MVK: variants seen among roughly 807,000 people sequenced by gnomAD.
MVK encodes the protein mevalonate kinase.
MVK carries 34 observed loss-of-function variants against 43.2 expected under a neutral mutation model. That is an observed-to-expected ratio of 0.79 (90% confidence interval 0.60 to 1.05). MVK has a LOEUF of 1.05. Among genes scored for constraint, MVK ranks in the 50% least tolerant of loss-of-function variants. The pLI is 0.00. For missense variants in MVK, 395 were observed against 504.0 expected (o/e 0.78, Z 2.07); for synonymous variants, 190 against 219.8 (o/e 0.86, Z 1.20).
At position 109,574,855 on chromosome 12, in the gene MVK, G is replaced by A. The variant is rs779289416; in HGVS notation, c.33G>A (p.Pro11=). 2.9e-5 allele frequency: 46 copies of A among 1,609,674 alleles called. No homozygotes were observed. In the East Asian group the frequency reaches 8.9e-4, roughly 31 times the overall value. Residue 11 remains proline, a synonymous_variant, in exon 2 of 11, where the codon CCG becomes CCA. Transcript: ENST00000228510. MLSEVLLVSA[P]GKVILHGEHA... ...CAGAAGTCCTACTGGTGTCTGCTCC[G>A]GGGAAAGTCATCCTTCATGGAGAAC...
chr12:109,594,876 T>C, intron 9 of MVK, 152 bp from the exon 10 acceptor site: 2 of 855,686 alleles, frequency 2.3e-6, no homozygotes, highest in Non-Finnish European at 3.8e-6. Context: ...AAGGATTCTT[T>C]TACAAGTGGA....
In MVK at chr12:109,596,306, C is replaced by G. The variant is rs1885908790; in HGVS notation, c.1040-120C>G. 5 of 1,428,722 alleles carry G rather than the reference C, an allele frequency of 3.5e-6. No homozygotes were observed. The East Asian group carries it at 1.2e-4, about 35-fold the overall frequency. The allele number at this position is 1,428,722 out of a possible 1,614,324, so 88.5% of individuals were successfully genotyped here. On this transcript the variant is annotated intron_variant, in intron 10 of 10. Transcript: ENST00000228510. ...AACCTTGGGCTTTATGGCCTGTTGG[C>G]TCAGGTGGGTCACAGCCAGGAAGGC...
chr12:109,592,430 G>C (rs1885728047), intron 9 of MVK, among the ~76,000 whole-genome samples: 1 of 152,188 alleles, frequency 6.6e-6, no homozygotes, highest in Non-Finnish European at 1.5e-5. Flanking sequence ...GTCAGTGAAG[G>C]GACAGGAGAG....
chr12:109,591,230 T>C lies in MVK; in HGVS notation c.769-11T>C, dbSNP rs1490294913. On this transcript the variant is annotated splice_polypyrimidine_tract_variant and intron_variant, in intron 8 of 10. Transcript: ENST00000228510. ...CAGGCCTCACCAGCCGTTCCTTCTT[T>C]TTTTCTCCAGTTCCCAGAGATCGTG... The C allele has an allele frequency of 6.2e-7, 1 of 1,613,780 alleles. No individual in the cohort carries two copies. The highest frequency in any genetic ancestry group is 1.7e-5 in the Admixed American group (1 of 60,020).
At position 109,595,475 on chromosome 12, in the gene MVK, G is replaced by C. The variant is rs1885881226; in HGVS notation, c.1039+294G>C. On this transcript the variant is annotated intron_variant, in intron 10 of 10. Transcript: ENST00000228510. The surrounding 1 kb of genome is among the most constrained non-coding windows in gnomAD (Gnocchi z 5.9). Reference sequence around the variant, plus strand: ...TCATCGGGGCTGTCCGCACAAGCTTGGGAAGTAACCAGGGCATTGTCACTC... The same window carrying C: ...TCATCGGGGCTGTCCGCACAAGCTTCGGAAGTAACCAGGGCATTGTCACTC... 1.3e-5 allele frequency among the ~76,000 whole-genome samples: 2 copies of C among 152,146 alleles called. No individual in the cohort carries two copies. The highest frequency in any genetic ancestry group is 6.5e-5 in the Admixed American group (1 of 15,278).
chr12:109,585,233 G>A (rs1885385230), intron 5 of MVK, among the ~76,000 whole-genome samples: 1 of 152,206 alleles, frequency 6.6e-6, no homozygotes, highest in Admixed American at 6.5e-5. Context: ...TAATGATCGT[G>A]CTTTGGATCT....
chr12:109,590,435 G>A (rs531087837), intron 7 of MVK: 9 of 389,662 alleles, frequency 2.3e-5, no homozygotes, highest in Admixed American at 3.6e-5. Context: ...CAGTGTCCAC[G>A]TCATGCCAGA....
At chr12:109,588,028 T>A (rs548791573) in intron 7 of MVK, 1 of 152,226 alleles carries the variant, frequency 6.6e-6, no homozygotes, top group African/African-American at 2.4e-5. Flanking sequence ...CAGAAGCCAG[T>A]AGGAGCGTGG....
rs1440506951 is a variant in MVK, at chr12:109,579,810, G to T, written c.235G>T (p.Asp79Tyr). The T allele has an allele frequency of 3.7e-6, 6 of 1,614,132 alleles. No homozygotes were observed. The East Asian group carries it at 8.9e-5, about 24-fold the overall frequency. The change falls in exon 4 of 11, where the codon GAT becomes TAT. Residue 79 changes from aspartate (D) to tyrosine (Y), a missense_variant. Coordinates refer to ENST00000228510, the MANE Select transcript of MVK (RefSeq NM_000431.4). ...GTTTGCCTGTGGAACAGAGCAAGGT[G>T]ATGTCACAACACCCACCTCAGAGCA... ...SLDTSFLEQG[D>Y]VTTPTSEQVE...
chr12:109,586,231 G>A (rs1318556638), intron 6 of MVK, 106 bp downstream of exon 6: 2 of 945,892 alleles, frequency 2.1e-6, no homozygotes, highest in Non-Finnish European at 3.3e-6. Flanking sequence ...CGAATCAATG[G>A]ATTCTGGAAA....
In MVK at chr12:109,581,434, G is replaced by GC. The variant is rs104895373; in HGVS notation, c.417dup (p.Gly140ArgfsTer47). 8 of 1,613,992 alleles carry GC rather than the reference G, an allele frequency of 5.0e-6. No individual in the cohort carries two copies. Among genetic ancestry groups the GC allele is most frequent in the South Asian group, 1.1e-5 (1 of 91,086 alleles). On this transcript the variant is annotated frameshift_variant, in exon 5 of 11. Coordinates refer to ENST00000228510, the MANE Select transcript of MVK (RefSeq NM_000431.4). LOFTEE classifies it high-confidence loss of function. ...TGGATATCGTAGTGTGGTCGGAGCT[G>GC]CCCCCCGGGGCGGGCTTGGGCTCCA...
At position 109,595,016 on chromosome 12, in the gene MVK, C is replaced by T. The variant is rs1467234795; in HGVS notation, c.886-12C>T. The stretch of plus-strand genomic sequence containing the variant: ...CAGGCCAAGTGGGAACAGATGGAAC[C>T]TTCTCCCCTAGGAGCTCATTGACAT... On this transcript the variant is annotated splice_polypyrimidine_tract_variant and intron_variant, in intron 9 of 10. Coordinates refer to ENST00000228510, the MANE Select transcript of MVK (RefSeq NM_000431.4). This position sits in a 1 kb window ranked among gnomAD's most constrained non-coding sequence, Gnocchi z 5.9. The T allele has an allele frequency of 1.9e-6, 3 of 1,614,150 alleles. No individual in the cohort carries two copies. The East Asian group carries it at 6.7e-5, about 36-fold the overall frequency.
Position 109,574,893 on chromosome 12 carries a change from A to T in MVK, c.71A>T (p.His24Leu). The T allele has an allele frequency of 6.2e-7, 1 of 1,608,698 alleles. No homozygotes were observed. Among genetic ancestry groups the T allele is most frequent in the South Asian group, 1.1e-5 (1 of 89,672 alleles). The change falls in exon 2 of 11, where the codon CAT becomes CTT. Residue 24 changes from histidine (H) to leucine (L), a missense_variant. Physicochemically the swap from His to Leu is moderately conservative, Grantham distance 99. Coordinates refer to ENST00000228510, the MANE Select transcript of MVK (RefSeq NM_000431.4). ...VILHGEHAVV[H>L]GKVALAVSLN... ...CTTCATGGAGAACATGCCGTGGTAC[A>T]TGGCAAGGTACAAAGCCGTTAGAGC...
At position 109,591,253 on chromosome 12, in the gene MVK, G is replaced by C. The variant is rs373753405; in HGVS notation, c.781G>C (p.Val261Leu). 1 of 1,614,128 alleles carries C rather than the reference G, an allele frequency of 6.2e-7. No individual in the cohort carries two copies. Among genetic ancestry groups the C allele is most frequent in the Non-Finnish European group, 8.5e-7 (1 of 1,180,024 alleles). Residue 261 changes from valine to leucine, a missense_variant, in exon 9 of 11, where the codon GTG becomes CTG. Coordinates refer to ENST00000228510, the MANE Select transcript of MVK (RefSeq NM_000431.4). ...TTTTTTTCTCCAGTTCCCAGAGATCGTGGCCCCCCTCCTGACCTCAATAGA... is the reference window on the plus strand; with the variant it reads ...TTTTTTTCTCCAGTTCCCAGAGATCCTGGCCCCCCTCCTGACCTCAATAGA... ...RNRLLKFPEI[V>L]APLLTSIDAI...
At chr12:109,573,529 C>T (rs748326668), upstream of MVK, 2 of 1,563,182 alleles carry the variant, frequency 1.3e-6, no homozygotes, top group African/African-American at 1.3e-5. Flanking sequence ...CCCGTCCAGT[C>T]CGCGGGGTGA....
chr12:109,591,665 G>A (rs191057579), intron 9 of MVK, among the ~76,000 whole-genome samples: 1 of 152,360 alleles, frequency 6.6e-6, no homozygotes, highest in East Asian at 1.9e-4. Flanking sequence ...CACGTAGGTA[G>A]ATGGGGATGT....
chr12:109,575,191 G>T lies in MVK; in HGVS notation c.78+291G>T, dbSNP rs1235198134. 2.0e-5 allele frequency among the ~76,000 whole-genome samples: 3 copies of T among 152,282 alleles called. No individual in the cohort carries two copies. The South Asian group carries it at 6.2e-4, about 32-fold the overall frequency. On this transcript the variant is annotated intron_variant, in intron 2 of 10. Transcript: ENST00000228510. Reference sequence around the variant, plus strand: ...AGAGGTTTGAGAACTGAGCTCCGGGGCACTAAGACATTTAGAAGTTGGAAG... The same window carrying T: ...AGAGGTTTGAGAACTGAGCTCCGGGTCACTAAGACATTTAGAAGTTGGAAG...
chr12:109,590,598 A>T, intron 7 of MVK, 173 bp from the exon 8 acceptor site: 1 of 670,534 alleles, frequency 1.5e-6, no homozygotes, highest in Non-Finnish European at 2.7e-6. Context: ...CCTGGGATGG[A>T]GGCGCAGCTG....
At chr12:109,585,272 C>T (rs956837999) in intron 5 of MVK, among the ~76,000 whole-genome samples, 2 of 152,130 alleles carry the variant, frequency 1.3e-5, no homozygotes, top group African/African-American at 4.8e-5. Context: ...AAGAGTCACA[C>T]CTCTGCCCGT....
Sources: allele counts gnomAD v4.1 joint callset (sites outside exome capture counted in the v4.1 genomes callset), GRCh38; gene constraint gnomAD v4.1.1; non-coding constraint Gnocchi (gnomAD v3.1); transcripts MANE v1.5; gene names NCBI Gene and HGNC (gene_info 2026-07-23, HGNC 2026-07-21).